OR5A2: variants seen among roughly 807,000 people sequenced by gnomAD.
OR5A2 encodes the protein olfactory receptor 5A2.
For missense variants in OR5A2, 406 were observed against 398.9 expected, an observed-to-expected ratio of 1.02 and a Z score of -0.15; for synonymous variants, 155 against 151.1, an observed-to-expected ratio of 1.03 and a Z score of -0.19.
rs1252709389 is a variant in OR5A2, at chr11:59,419,396, T to TCA, written c.*2581_*2582dup. On this transcript the variant is annotated 3_prime_UTR_variant, in exon 2 of 2. Transcript: ENST00000302040. The stretch of plus-strand genomic sequence containing the variant: ...GGCTAAGCCCTCTTTATGCATATTC[T>TCA]CACTTAATTGTTGTATCAATTTTAT... The TCA allele has an allele frequency of 6.6e-6, 1 of 152,198 alleles. No individual in the cohort carries two copies. Among genetic ancestry groups the TCA allele is most frequent in the Non-Finnish European group, 1.5e-5 (1 of 68,038 alleles). The allele number at this position is 152,198 out of a possible 1,614,324, so 9.4% of individuals were successfully genotyped here. A position where few individuals can be genotyped will look rare whatever the true frequency, so the allele number is the denominator to read the frequency against.
chr11:59,419,132 C>T lies in OR5A2; in HGVS notation c.*2847G>A, dbSNP rs907318268. ...ATGGCCACAGCTGTGAACCTGAGCC[C>T]GCTCTAGTTCCCTAAGAACTGCTTC... On this transcript the variant is annotated 3_prime_UTR_variant, in exon 2 of 2. Coordinates refer to ENST00000302040, the MANE Select transcript of OR5A2 (RefSeq NM_001001954.2). The T allele has an allele frequency of 2.6e-5, 4 of 152,076 alleles. No homozygotes were observed. Among genetic ancestry groups the T allele is most frequent in the South Asian group, 2.1e-4 (1 of 4,826 alleles). 9.4% of individuals were successfully genotyped at this position (152,076 alleles called of 1,614,324 possible). A position where few individuals can be genotyped will look rare whatever the true frequency, so the allele number is the denominator to read the frequency against.
At chr11:59,424,077 C>T (rs926029519) in intron 1 of OR5A2, 2 of 152,226 alleles carry the variant, frequency 1.3e-5, no homozygotes, top group African/African-American at 4.8e-5. Flanking sequence ...CCATACATAT[C>T]TGGCAGTTAA....
chr11:59,424,991 G>C (rs922889482), intron 1 of OR5A2: 1 of 152,214 alleles, frequency 6.6e-6, no homozygotes, highest in Admixed American at 6.6e-5. Context: ...CAGGCAGGGA[G>C]TTTTGCCCAT....
chr11:59,422,436 T>C lies in OR5A2; in HGVS notation c.518A>G (p.Tyr173Cys), dbSNP rs765919373. 6.2e-7 allele frequency: 1 copy of C among 1,614,028 alleles called. No homozygotes were observed. Among genetic ancestry groups the C allele is most frequent in the African/African-American group, 1.3e-5 (1 of 74,912 alleles). ...GTCACAGAAAAAGTGGTTGATCATA[T>C]AGGGCCCACAGAAATCATGCTGATA... ...SVYQHDFCGP[Y>C]MINHFFCDLP... The change falls in exon 2 of 2, where the codon TAT becomes TGT. Residue 173 changes from tyrosine to cysteine, a missense_variant. Transcript: ENST00000302040.
rs1161564841 is a variant in OR5A2 at position 59,421,278 on chromosome 11, A to G, written c.*701T>C. The G allele has an allele frequency of 6.6e-6, 1 of 152,214 alleles. No individual in the cohort carries two copies. The highest frequency in any genetic ancestry group is 1.5e-5 in the Non-Finnish European group (1 of 68,076). 9.4% of individuals were successfully genotyped at this position (152,214 alleles called of 1,614,324 possible). On this transcript the variant is annotated 3_prime_UTR_variant, in exon 2 of 2. Coordinates refer to ENST00000302040, the MANE Select transcript of OR5A2 (RefSeq NM_001001954.2). ...ACACACTTTTAAATGACCAGATCTC[A>G]CAAGAACTCACTATCATGAATACAA... is the stretch of plus-strand genomic sequence containing the variant.
In OR5A2 at chr11:59,422,852, C is replaced by A; in HGVS notation, c.102G>T (p.Gly34=). ...TCCAGGCCAACGTCAGGAGGTAGAG[C>A]CCCAGAAATAACATGAAAAGGAAAA... ...MKIFLFMLFL[G]LYLLTLAWNL... Residue 34 remains glycine, a synonymous_variant, in exon 2 of 2, where the codon GGG becomes GGT. Transcript: ENST00000302040. 1.2e-6 allele frequency: 2 copies of A among 1,614,056 alleles called. No homozygotes were observed. Among genetic ancestry groups the A allele is most frequent in the Non-Finnish European group, 1.7e-6 (2 of 1,180,008 alleles).
Position 59,422,470 on chromosome 11 carries a change from A to G in OR5A2, c.484T>C (p.Tyr162His), listed in dbSNP as rs765544307. 1.9e-6 allele frequency: 3 copies of G among 1,614,186 alleles called. No individual in the cohort carries two copies. Among genetic ancestry groups the G allele is most frequent in the South Asian group, 1.1e-5 (1 of 91,088 alleles). ...GGFLSSFIET[Y>H]SVYQHDFCGP... ...CAGAAATCATGCTGATAGACAGAGT[A>G]TGTTTCAATGAAAGAACTAAGGAAT... The change falls in exon 2 of 2, where the codon TAC becomes CAC. Residue 162 changes from tyrosine (Y) to histidine (H), a missense_variant. Coordinates refer to ENST00000302040, the MANE Select transcript of OR5A2 (RefSeq NM_001001954.2).
At position 59,422,063 on chromosome 11, in the gene OR5A2, C is replaced by T; in HGVS notation, c.891G>A (p.Glu297=). 1 of 1,614,042 alleles carries T rather than the reference C, an allele frequency of 6.2e-7. No individual in the cohort carries two copies. The highest frequency in any genetic ancestry group is 8.5e-7 in the Non-Finnish European group (1 of 1,179,958). ...TGGCTTTCCTCATGGCATTTTTAAT[C>T]TCCTTATTCCTAAAACTGTAGATGA... ...NPIIYSFRNK[E]IKNAMRKAME... The change falls in exon 2 of 2, where the codon GAG becomes GAA. Residue 297 remains glutamate, a synonymous_variant. Coordinates refer to ENST00000302040, the MANE Select transcript of OR5A2 (RefSeq NM_001001954.2).
intron 1 of OR5A2, chr11:59,423,456 A>G (rs1445063028): frequency 6.5e-6 from 1 of 152,862 alleles, no homozygotes; most frequent in African/African-American, 2.4e-5. Context: ...GATCTTTAGT[A>G]TGAGAACTCA....
chr11:59,419,195 T>C lies in OR5A2; in HGVS notation c.*2784A>G, dbSNP rs1262161162. 1 of 152,108 alleles carries C rather than the reference T, an allele frequency of 6.6e-6. No individual in the cohort carries two copies. The highest frequency in any genetic ancestry group is 6.6e-5 in the Admixed American group (1 of 15,250). 9.4% of individuals were successfully genotyped at this position (152,108 alleles called of 1,614,324 possible). A position where few individuals can be genotyped will look rare whatever the true frequency, so the allele number is the denominator to read the frequency against. ...GAAATCATAGAGATAGTAATATGGG[T>C]GCACCTGTTGGCTGAGACTGATATG... On this transcript the variant is annotated 3_prime_UTR_variant, in exon 2 of 2. Coordinates refer to ENST00000302040, the MANE Select transcript of OR5A2 (RefSeq NM_001001954.2).
rs781498395 is a variant in OR5A2 at position 59,422,194 on chromosome 11, C to T, written c.760G>A (p.Gly254Ser). ...SHLTAVTLFYGSGFFMYMRPS... is the reference protein window; with the variant it reads ...SHLTAVTLFYSSGFFMYMRPS... ...CGCATGTACATGAAGAATCCAGAAC[C>T]ATAGAAGAGGGTCACAGCAGTCAGG... Residue 254 changes from glycine (G) to serine (S), a missense_variant, in exon 2 of 2, where the codon GGT becomes AGT. By Grantham distance (56) the Gly-to-Ser change is moderately conservative. Coordinates refer to ENST00000302040, the MANE Select transcript of OR5A2 (RefSeq NM_001001954.2). 10 of 1,613,978 alleles carry T rather than the reference C, an allele frequency of 6.2e-6. No individual in the cohort carries two copies. In the African/African-American group the frequency reaches 1.2e-4, roughly 19 times the overall value.
chr11:59,422,696 G>A lies in OR5A2; in HGVS notation c.258C>T (p.Ile86=). 6.2e-7 allele frequency: 1 copy of A among 1,614,164 alleles called. No individual in the cohort carries two copies. Among genetic ancestry groups the A allele is most frequent in the South Asian group, 1.1e-5 (1 of 91,078 alleles). The change falls in exon 2 of 2, where the codon ATC becomes ATT. Residue 86 remains isoleucine, a synonymous_variant. Coordinates refer to ENST00000302040, the MANE Select transcript of OR5A2 (RefSeq NM_001001954.2). ...SSTAPKMLSD[I]ITEQKTISFV... Reference sequence around the variant, plus strand: ...AGGAAATGGTTTTCTGCTCTGTGATGATGTCAGACAGCATCTTAGGGGCGG... The same window carrying A: ...AGGAAATGGTTTTCTGCTCTGTGATAATGTCAGACAGCATCTTAGGGGCGG...
At position 59,421,969 on chromosome 11, in the gene OR5A2, A is replaced by G. The variant is rs1196490781; in HGVS notation, c.*10T>C. ...CACAATTCACCTAGCTCACAGCTTC[A>G]TTGTAAACATTAGCCCAAGGTCATA... is the stretch of plus-strand genomic sequence containing the variant. On this transcript the variant is annotated 3_prime_UTR_variant, in exon 2 of 2. Transcript: ENST00000302040. 1 of 1,581,428 alleles carries G rather than the reference A, an allele frequency of 6.3e-7. No individual in the cohort carries two copies. The highest frequency in any genetic ancestry group is 1.2e-5 in the South Asian group (1 of 86,322).
rs575071441 is a variant in OR5A2, at chr11:59,418,732, CTT to C, written c.*3245_*3246del. 22 of 152,164 alleles carry C rather than the reference CTT, an allele frequency of 1.4e-4. No homozygotes were observed. The highest frequency in any genetic ancestry group is 5.3e-4 in the African/African-American group (22 of 41,538). 9.4% of individuals were successfully genotyped at this position (152,164 alleles called of 1,614,324 possible). Reference sequence around the variant, plus strand: ...ATGCATATTAATTCTATTAATAAGACTTACATTCTTCTTGGTAGTTGGGCAAA... The same window carrying C: ...ATGCATATTAATTCTATTAATAAGACACATTCTTCTTGGTAGTTGGGCAAA... On this transcript the variant is annotated 3_prime_UTR_variant, in exon 2 of 2. Coordinates refer to ENST00000302040, the MANE Select transcript of OR5A2 (RefSeq NM_001001954.2).
In OR5A2 at chr11:59,422,945, T is replaced by C. The variant is rs571290672; in HGVS notation, c.9A>G (p.Val3=). 1.0e-4 allele frequency: 162 copies of C among 1,612,494 alleles called. No individual in the cohort carries two copies. The South Asian group carries it at 1.6e-3, about 16-fold the overall frequency. ...TTGTCACAATTGTGTTGTTCCTTCC[T>C]ACAGCCATAGGCCTGCTTCCTGCAT... The part of the protein sequence containing the change: MA[V]GRNNTIVTKF... The change falls in exon 2 of 2, where the codon GTA becomes GTG. Residue 3 remains valine, a synonymous_variant. Coordinates refer to ENST00000302040, the MANE Select transcript of OR5A2 (RefSeq NM_001001954.2).
intron 1 of OR5A2, 30 bp from the exon 2 acceptor site, chr11:59,423,074 AG>A: frequency 9.8e-7 from 1 of 1,024,452 alleles, no homozygotes; most frequent in East Asian, 2.4e-5. Flanking sequence ...GTCAGCAACA[AG>A]TTAAACTACA....
rs1858235625 is a variant in OR5A2, at chr11:59,422,277, A to G, written c.677T>C (p.Val226Ala). 8.1e-6 allele frequency: 13 copies of G among 1,614,130 alleles called. No individual in the cohort carries two copies. The highest frequency in any genetic ancestry group is 1.1e-5 in the Non-Finnish European group (13 of 1,180,016). Reference sequence around the variant, plus strand: ...ACCTGTAGCTGAGCTGATCTTCACAACAGCAGCAACAATGTAACCATAAGA... The same window carrying G: ...ACCTGTAGCTGAGCTGATCTTCACAGCAGCAGCAACAATGTAACCATAAGA... ...LISYGYIVAAVVKISSATGRT... is the reference protein window; with the variant it reads ...LISYGYIVAAAVKISSATGRT... The change falls in exon 2 of 2, where the codon GTT becomes GCT. Residue 226 changes from valine to alanine, a missense_variant. Physicochemically the swap from Val to Ala is moderately conservative, Grantham distance 64. Coordinates refer to ENST00000302040, the MANE Select transcript of OR5A2 (RefSeq NM_001001954.2).
intron 1 of OR5A2, chr11:59,423,318 G>A (rs952211581): frequency 5.1e-6 from 1 of 196,618 alleles, no homozygotes; most frequent in Admixed American, 5.2e-5. Flanking sequence ...AAAGGAGAGG[G>A]TTGAATCAGA....
chr11:59,422,980 AC>A lies in OR5A2; in HGVS notation c.-28del. ...GGCCTGCTTCCTGCATAAAGTCTTT[AC>A]TTTCTTCTTTAAGAATCCTGTGGTC... is the stretch of plus-strand genomic sequence containing the variant. On this transcript the variant is annotated 5_prime_UTR_variant, in exon 2 of 2. Transcript: ENST00000302040. 6.4e-7 allele frequency: 1 copy of A among 1,572,292 alleles called. No individual in the cohort carries two copies. Among genetic ancestry groups the A allele is most frequent in the Non-Finnish European group, 8.6e-7 (1 of 1,160,756 alleles).
Sources: gnomAD v4.1 joint callset for allele counts on GRCh38, gnomAD v4.1.1 for gene constraint, MANE v1.5 for transcripts, NCBI Gene and HGNC (gene_info 2026-07-23, HGNC 2026-07-21) for gene names.